The following CDH13 variants were observed in gnomAD, a reference collection of about 807,000 sequenced individuals.
The protein encoded by CDH13 is cadherin 13.
In CDH13, 24 loss-of-function variants were observed where a neutral mutation model predicts 63.8. The ratio of observed to expected loss-of-function variants is 0.38; its 90% CI spans 0.27 to 0.53. The LOEUF (loss-of-function observed/expected upper bound fraction) is 0.53, where lower values mean the gene tolerates loss of function less well. Among genes scored for constraint, CDH13 ranks in the 20% least tolerant of loss-of-function variants. The pLI is 0.85. For missense variants in CDH13, 1,049 were observed against 903.1 expected, an observed-to-expected ratio of 1.16 and a Z score of -2.07; for synonymous variants, 503 against 355.3, an observed-to-expected ratio of 1.42 and a Z score of -4.67.
At position 83,609,732 on chromosome 16, in the gene CDH13, C is replaced by A. The variant is rs575824815; in HGVS notation, c.1101+7138C>A. ...AACAGCTTTATTGAGATATAACTCA[C>A]ATGCCATAAAATTCACACTTTTAAA... On this transcript the variant is annotated intron_variant, in intron 8 of 13. Coordinates refer to ENST00000567109, the MANE Select transcript of CDH13 (RefSeq NM_001257.5). Among the ~76,000 whole-genome samples the A allele has an allele frequency of 2.6e-5, 4 of 152,336 alleles. No individual in the cohort carries two copies. In the South Asian group the frequency reaches 8.3e-4, roughly 32 times the overall value.
intron 7 of CDH13, among the ~76,000 whole-genome samples, chr16:83,524,152 C>G (rs1218057141): frequency 2.6e-5 from 4 of 152,138 alleles, no homozygotes; most frequent in East Asian, 3.9e-4. Context: ...TTTGTTTCCA[C>G]AGATAAGCTT....
intron 7 of CDH13, among the ~76,000 whole-genome samples, chr16:83,546,289 C>G (rs912290593): frequency 6.6e-6 from 1 of 152,146 alleles, no homozygotes; most frequent in Non-Finnish European, 1.5e-5. Context: ...TCCCCAGACT[C>G]TTGGCATCCC....
At chr16:83,383,913 C>A (rs2091620687) in intron 6 of CDH13, among the ~76,000 whole-genome samples, 1 of 152,080 alleles carries the variant, frequency 6.6e-6, no homozygotes, top group Non-Finnish European at 1.5e-5. Flanking sequence ...CTGCTAGGTC[C>A]TTTCAGCAGA....
At chr16:82,671,979 A>C (rs1913301811) in intron 1 of CDH13, among the ~76,000 whole-genome samples, 1 of 152,104 alleles carries the variant, frequency 6.6e-6, no homozygotes, top group South Asian at 2.1e-4. Context: ...TCTTGCCCTG[A>C]GACTATCACC....
chr16:83,401,159 G>A (rs540701575), intron 6 of CDH13, among the ~76,000 whole-genome samples: 35 of 152,084 alleles, frequency 2.3e-4, no homozygotes, highest in Non-Finnish European at 4.0e-4. Context: ...TGGCCAATAT[G>A]GCCAAAGCCC....
chr16:83,076,325 A>T (rs1227042727), intron 3 of CDH13, among the ~76,000 whole-genome samples: 2 of 152,178 alleles, frequency 1.3e-5, no homozygotes. Context: ...AAGTATTGTA[A>T]GTGTCTGGAT....
intron 4 of CDH13, among the ~76,000 whole-genome samples, chr16:83,197,711 G>C (rs1482874903): frequency 1.3e-5 from 2 of 151,998 alleles, no homozygotes; most frequent in Admixed American, 6.6e-5. Context: ...CTCAATGGTG[G>C]TGATGGATAC....
intron 3 of CDH13, among the ~76,000 whole-genome samples, chr16:83,055,532 T>TA (rs988162533): frequency 2.0e-5 from 3 of 151,290 alleles, no homozygotes; most frequent in African/African-American, 7.3e-5. Context: ...GTAAAATAAA[T>TA]AAAAAATCAG....
chr16:83,150,055 T>G (rs2036909931), intron 4 of CDH13, among the ~76,000 whole-genome samples: 1 of 152,190 alleles, frequency 6.6e-6, no homozygotes, highest in Non-Finnish European at 1.5e-5. Flanking sequence ...GTAAGACTGA[T>G]TTTTGCCTCT....
chr16:83,222,881 G>A (rs374049876), intron 5 of CDH13, among the ~76,000 whole-genome samples: 8 of 152,174 alleles, frequency 5.3e-5, no homozygotes, highest in Admixed American at 2.6e-4. Flanking sequence ...TTCAACAGTG[G>A]CACTATTGAA....
At chr16:83,565,982 T>G (rs999926780) in intron 7 of CDH13, among the ~76,000 whole-genome samples, 1 of 152,218 alleles carries the variant, frequency 6.6e-6, no homozygotes, top group Admixed American at 6.5e-5. Context: ...TTGCACTCCA[T>G]TGCATATTGT....
intron 8 of CDH13, among the ~76,000 whole-genome samples, chr16:83,603,714 C>G (rs1908065453): frequency 2.0e-5 from 3 of 152,150 alleles, no homozygotes; most frequent in South Asian, 2.1e-4. Context: ...TCCTCTCAAC[C>G]CCCGAGTTCC....
chr16:83,168,520 C>T (rs895836317), intron 4 of CDH13, among the ~76,000 whole-genome samples: 1 of 152,022 alleles, frequency 6.6e-6, no homozygotes, highest in Non-Finnish European at 1.5e-5. Flanking sequence ...TACCTAACTT[C>T]TCCAAAATGC....
intron 4 of CDH13, among the ~76,000 whole-genome samples, chr16:83,203,731 T>C (rs908656762): frequency 6.6e-6 from 1 of 151,438 alleles, no homozygotes; most frequent in Admixed American, 6.6e-5. Flanking sequence ...TAAAAAAATT[T>C]GGTTTAACCT....
At chr16:82,793,240 A>G (rs558712253) in intron 1 of CDH13, among the ~76,000 whole-genome samples, 9 of 152,322 alleles carry the variant, frequency 5.9e-5, no homozygotes, top group Admixed American at 4.6e-4. Flanking sequence ...GGGAATTTCA[A>G]TCAACCTGTG....
intron 2 of CDH13, among the ~76,000 whole-genome samples, chr16:83,025,087 GC>G (rs1915677259): frequency 6.6e-6 from 1 of 152,176 alleles, no homozygotes; most frequent in African/African-American, 2.4e-5. Context: ...GGAAAAGGTA[GC>G]TTCCTTAGTG....
At chr16:82,840,979 A>C (rs1199015639) in intron 1 of CDH13, among the ~76,000 whole-genome samples, 1 of 152,240 alleles carries the variant, frequency 6.6e-6, no homozygotes, top group Non-Finnish European at 1.5e-5. Context: ...TGAAGACATA[A>C]GTACAAACCA....
intron 7 of CDH13, among the ~76,000 whole-genome samples, chr16:83,539,787 T>G (rs2150646695): frequency 6.6e-6 from 1 of 152,334 alleles, no homozygotes; most frequent in East Asian, 1.9e-4. Flanking sequence ...TAGGTTAGAC[T>G]TATTCACTCT....
At chr16:82,935,811 G>A (rs2042648731) in intron 2 of CDH13, among the ~76,000 whole-genome samples, 1 of 152,114 alleles carries the variant, frequency 6.6e-6, no homozygotes, top group South Asian at 2.1e-4. Context: ...TTAGGTCATG[G>A]ACACACACGA....
Sources: gnomAD v4.1 joint callset for allele counts (sites outside exome capture counted in the v4.1 genomes callset) on GRCh38, gnomAD v4.1.1 for gene constraint, MANE v1.5 for transcripts, NCBI Gene and HGNC (gene_info 2026-07-23, HGNC 2026-07-21) for gene names.